The following FHIP1A variants were observed in gnomAD, a reference collection of about 807,000 sequenced individuals.
FHIP1A encodes FHF complex subunit HOOK interacting protein 1A.
In FHIP1A, 61 loss-of-function variants were observed where a neutral mutation model predicts 88.6. The ratio of observed to expected loss-of-function variants is 0.69; its 90% confidence interval spans 0.56 to 0.85. FHIP1A has a LOEUF of 0.85. Ranked by LOEUF, FHIP1A falls within the 40% of genes least tolerant of loss-of-function variation. The pLI, the probability that FHIP1A is intolerant of heterozygous loss-of-function variation, is 0.00. For missense variants in FHIP1A, 1,154 were observed against 1,273.5 expected, an observed-to-expected ratio of 0.91 and a Z score of 1.43; for synonymous variants, 478 against 496.0, an observed-to-expected ratio of 0.96 and a Z score of 0.48.
chr4:151,531,103 G>A (rs1338025400), intron 3 of FHIP1A, among the ~76,000 whole-genome samples: 9 of 151,990 alleles, frequency 5.9e-5, no homozygotes, highest in Admixed American at 5.9e-4. Context: ...AGCACATTTT[G>A]TATGAAGATA....
At chr4:151,445,879 ATGATATGTTATTATAT>A (rs1215891314) in intron 1 of FHIP1A, among the ~76,000 whole-genome samples, 1 of 74,614 alleles carries the variant, frequency 1.3e-5, no homozygotes, top group Non-Finnish European at 3.3e-5. Flanking sequence ...TATATTTCAT[ATGATATGTTATTATAT>A]TGCAGTATCA....
chr4:151,650,489 G>A lies in FHIP1A; in HGVS notation c.2448G>A (p.Ala816=), dbSNP rs913729227. Residue 816 remains alanine (A), a synonymous_variant, in exon 11 of 14, where the codon GCG becomes GCA. Transcript: ENST00000435205. ...AGGATGACTTTGACTCTTTTATAGC[G>A]GAGATGCCTGCTGTAGAGACTGTGC... The part of the protein sequence containing the change: ...DEEDDFDSFI[A]EMPAVETVPS... The A allele has an allele frequency of 1.9e-5, 29 of 1,551,450 alleles. No individual in the cohort carries two copies. Among genetic ancestry groups the A allele is most frequent in the East Asian group, 1.2e-4 (5 of 40,940 alleles).
chr4:151,630,602 A>G (rs2126878814), intron 8 of FHIP1A, among the ~76,000 whole-genome samples: 1 of 152,346 alleles, frequency 6.6e-6, no homozygotes, highest in East Asian at 1.9e-4. Context: ...TAGAGCAACC[A>G]CTAAGAAAAT....
chr4:151,426,070 A>G (rs1390085604), intron 1 of FHIP1A, among the ~76,000 whole-genome samples: 3 of 152,168 alleles, frequency 2.0e-5, no homozygotes, highest in Admixed American at 2.0e-4. Flanking sequence ...CCTATCTTTA[A>G]TATGATACAT....
Position 151,663,794 on chromosome 4 carries a change from T to G in FHIP1A, c.*1040T>G, listed in dbSNP as rs965261408. ...AGAAACAGGAACTGTACAGCCCACT[T>G]TGGGACCTTGGATGTAAATGCAAAC... On this transcript the variant is annotated 3_prime_UTR_variant, in exon 14 of 14. Coordinates refer to ENST00000435205, the MANE Select transcript of FHIP1A (RefSeq NM_001109977.3). 2.0e-5 allele frequency among the ~76,000 whole-genome samples: 3 copies of G among 152,166 alleles called. No homozygotes were observed. The highest frequency in any genetic ancestry group is 7.2e-5 in the African/African-American group (3 of 41,442).
intron 3 of FHIP1A, among the ~76,000 whole-genome samples, chr4:151,532,126 C>G (rs1731899389): frequency 6.6e-6 from 1 of 152,044 alleles, no homozygotes; most frequent in Non-Finnish European, 1.5e-5. Flanking sequence ...GTTGTTTGGT[C>G]TATATCGTTT....
intron 1 of FHIP1A, among the ~76,000 whole-genome samples, chr4:151,412,571 T>C (rs1159076416): frequency 5.1e-4 from 70 of 137,996 alleles, no homozygotes; most frequent in East Asian, 2.7e-3. Context: ...TCTTTCTTTC[T>C]TTCTTTCCTT....
intron 1 of FHIP1A, among the ~76,000 whole-genome samples, chr4:151,445,082 T>G (rs1728543476): frequency 6.6e-6 from 1 of 152,200 alleles, no homozygotes; most frequent in Non-Finnish European, 1.5e-5. Flanking sequence ...TCTATCTGAC[T>G]TGGCTACAAA....
intron 3 of FHIP1A, among the ~76,000 whole-genome samples, chr4:151,509,393 C>T (rs1730945156): frequency 6.6e-6 from 1 of 152,038 alleles, no homozygotes; most frequent in African/African-American, 2.4e-5. Flanking sequence ...TCTCGATCTC[C>T]TGACCTCGTG....
chr4:151,532,358 A>G (rs1019505259), intron 3 of FHIP1A, among the ~76,000 whole-genome samples: 1 of 152,148 alleles, frequency 6.6e-6, no homozygotes, highest in Admixed American at 6.6e-5. Flanking sequence ...ATTCAACAGG[A>G]TTTTGAGTTT....
At chr4:151,444,218 T>A (rs1728512256) in intron 1 of FHIP1A, among the ~76,000 whole-genome samples, 1 of 152,164 alleles carries the variant, frequency 6.6e-6, no homozygotes, top group Non-Finnish European at 1.5e-5. Flanking sequence ...TTCTCCCATT[T>A]TGTTCTTTGA....
intron 7 of FHIP1A, among the ~76,000 whole-genome samples, chr4:151,601,606 T>C (rs921717304): frequency 6.7e-6 from 1 of 149,438 alleles, no homozygotes; most frequent in Non-Finnish European, 1.5e-5. Context: ...ATACTAGATA[T>C]GAATAAATGA....
Position 151,662,613 on chromosome 4 carries a change from C to A in FHIP1A, c.2982C>A (p.Pro994=), listed in dbSNP as rs1320212841. The part of the protein sequence containing the change: ...THRTKVAEAP[P]NLPLPVRNPM... ...GAACCAAGGTGGCTGAGGCACCCCC[C>A]AACCTGCCCCTGCCGGTGAGGAACC... The change falls in exon 14 of 14, where the codon CCC becomes CCA. Residue 994 remains proline, a synonymous_variant. Coordinates refer to ENST00000435205, the MANE Select transcript of FHIP1A (RefSeq NM_001109977.3). 5 of 1,551,674 alleles carry A rather than the reference C, an allele frequency of 3.2e-6. No individual in the cohort carries two copies. The Admixed American group carries it at 5.9e-5, about 18-fold the overall frequency.
At chr4:151,562,721 T>C (rs1458764383) in intron 3 of FHIP1A, among the ~76,000 whole-genome samples, 4 of 152,220 alleles carry the variant, frequency 2.6e-5, no homozygotes, top group Non-Finnish European at 4.4e-5. Flanking sequence ...GAGAAAGGGA[T>C]ATATCAAAAT....
At chr4:151,505,042 C>G (rs1730784636) in intron 3 of FHIP1A, among the ~76,000 whole-genome samples, 1 of 152,142 alleles carries the variant, frequency 6.6e-6, no homozygotes, top group African/African-American at 2.4e-5. Flanking sequence ...CTCCTTGCTT[C>G]CCTTTCTTCT....
At chr4:151,613,553 T>G (rs1158368134) in intron 7 of FHIP1A, among the ~76,000 whole-genome samples, 1 of 152,202 alleles carries the variant, frequency 6.6e-6, no homozygotes, top group African/African-American at 2.4e-5. Context: ...ATCTTTATAT[T>G]TACAGAGTAC....
rs146185857 is a variant in FHIP1A at position 151,649,244 on chromosome 4, A to G, written c.1418-215A>G. On this transcript the variant is annotated intron_variant, in intron 10 of 13. Coordinates refer to ENST00000435205, the MANE Select transcript of FHIP1A (RefSeq NM_001109977.3). Reference sequence around the variant, plus strand: ...GGCTATAGCCACTATCTGACTGGCTATATTGGTTTTCTATCTTCCGTGAGG... The same window carrying G: ...GGCTATAGCCACTATCTGACTGGCTGTATTGGTTTTCTATCTTCCGTGAGG... Among the ~76,000 whole-genome samples the G allele has an allele frequency of 6.1e-3, 929 of 152,284 alleles. 35 individuals are homozygous for G. The highest frequency in any genetic ancestry group is 0.05 in the Admixed American group (767 of 15,302).
intron 3 of FHIP1A, among the ~76,000 whole-genome samples, chr4:151,552,450 G>A (rs531850596): frequency 6.6e-6 from 1 of 152,238 alleles, no homozygotes; most frequent in African/African-American, 2.4e-5. Flanking sequence ...TGATAGACTG[G>A]ATTAAGAAAA....
At chr4:151,606,725 C>G (rs531587803) in intron 7 of FHIP1A, among the ~76,000 whole-genome samples, 8 of 152,130 alleles carry the variant, frequency 5.3e-5, no homozygotes, top group Non-Finnish European at 8.8e-5. Flanking sequence ...TTGCTAGCTG[C>G]TTTTTCCTCT....
Sources: allele counts gnomAD v4.1 joint callset (sites outside exome capture counted in the v4.1 genomes callset), GRCh38; gene constraint gnomAD v4.1.1; transcripts MANE v1.5; gene names NCBI Gene and HGNC (gene_info 2026-07-23, HGNC 2026-07-21).